Variants in RORA observed in about 807,000 individuals in gnomAD.
RORA encodes nuclear receptor ROR-alpha.
A neutral mutation model predicts 69.5 loss-of-function variants in RORA; 7 were observed. That is an observed-to-expected ratio of 0.10 (90% CI 0.06 to 0.19). The LOEUF (loss-of-function observed/expected upper bound fraction) is 0.19, where lower values mean the gene tolerates loss of function less well. RORA is among the 10% of genes least tolerant of loss of function. The probability of loss-of-function intolerance (pLI) is 1.00; values close to 1 mark genes in which losing one functional copy is unlikely to be tolerated. For missense variants in RORA, 457 were observed against 663.0 expected, an observed-to-expected ratio of 0.69 and a Z score of 3.41; for synonymous variants, 261 against 240.8, an observed-to-expected ratio of 1.08 and a Z score of -0.78.
chr15:60,804,212 C>A (rs1277919208), intron 1 of RORA, among the ~76,000 whole-genome samples: 8 of 148,274 alleles, frequency 5.4e-5, no homozygotes, highest in Non-Finnish European at 1.2e-4. Context: ...TGCTTGAACC[C>A]GGGAGGCGGA....
At chr15:61,029,889 A>C (rs979439019) in intron 1 of RORA, among the ~76,000 whole-genome samples, 2 of 152,142 alleles carry the variant, frequency 1.3e-5, no homozygotes, top group Non-Finnish European at 2.9e-5. Flanking sequence ...AGCTCACTGG[A>C]GAGGCCTGGG....
intron 1 of RORA, among the ~76,000 whole-genome samples, chr15:61,154,067 A>G (rs573510073): frequency 1.3e-5 from 2 of 152,232 alleles, no homozygotes; most frequent in East Asian, 1.9e-4. Flanking sequence ...AATCCTTTCT[A>G]TATTTCTCCT....
At chr15:60,949,849 T>C (rs550128870) in intron 1 of RORA, among the ~76,000 whole-genome samples, 1 of 152,316 alleles carries the variant, frequency 6.6e-6, no homozygotes, top group Admixed American at 6.5e-5. Flanking sequence ...CAACGCTGGT[T>C]TTGTAAAAGA....
intron 1 of RORA, among the ~76,000 whole-genome samples, chr15:60,914,409 C>T (rs2140482545): frequency 6.6e-6 from 1 of 152,298 alleles, no homozygotes. Flanking sequence ...CTCCTCCTTA[C>T]ATACAACCCC....
intron 2 of RORA, among the ~76,000 whole-genome samples, chr15:60,638,525 A>G (rs761922776): frequency 6.6e-6 from 1 of 151,724 alleles, no homozygotes; most frequent in Non-Finnish European, 1.5e-5. Flanking sequence ...CTATTTCTTC[A>G]CCTCTTACCT....
At position 60,531,978 on chromosome 15, in the gene RORA, A is replaced by G; in HGVS notation, c.197-127T>C. Reference sequence around the variant, plus strand: ...AAACATTATACTGCATTAACTATTCATTGCTGAACTGTGAGGGTCCCCCTA... The same window carrying G: ...AAACATTATACTGCATTAACTATTCGTTGCTGAACTGTGAGGGTCCCCCTA... On this transcript the variant is annotated intron_variant, in intron 2 of 10. Coordinates refer to ENST00000335670, the MANE Select transcript of RORA (RefSeq NM_134261.3). This position sits in a 1 kb window ranked among gnomAD's most constrained non-coding sequence, Gnocchi z 4.8. 3.5e-6 allele frequency: 2 copies of G among 566,786 alleles called. No homozygotes were observed. 35.1% of individuals were successfully genotyped at this position (566,786 alleles called of 1,614,324 possible).
At chr15:61,170,692 G>A (rs1218965776) in intron 1 of RORA, among the ~76,000 whole-genome samples, 1 of 152,198 alleles carries the variant, frequency 6.6e-6, no homozygotes, top group Non-Finnish European at 1.5e-5. Context: ...CACATTGTAA[G>A]TGCTCCAAAT....
At chr15:60,670,265 A>C (rs891060572) in intron 2 of RORA, among the ~76,000 whole-genome samples, 6 of 145,992 alleles carry the variant, frequency 4.1e-5, no homozygotes, top group Non-Finnish European at 7.4e-5. Flanking sequence ...GTTGGGGTGC[A>C]GTGCTGTGAT....
Position 60,531,807 on chromosome 15 carries a change from A to T in RORA, c.241T>A (p.Ser81Thr). 6.3e-7 allele frequency: 1 copy of T among 1,596,886 alleles called. No homozygotes were observed. The highest frequency in any genetic ancestry group is 8.5e-7 in the Non-Finnish European group (1 of 1,173,686). ...IPCKICGDKS[S>T]GIHYGVITCE... ...GTAATGACACCATAATGGATTCCTG[A>T]TGATTTGTCTCCACAGATCTTGCAT... Residue 81 changes from serine to threonine, a missense_variant, in exon 3 of 11, where the codon TCA becomes ACA. Physicochemically the swap from Ser to Thr is moderately conservative, Grantham distance 58. This residue lies in a region of RORA where 34 missense variants were observed against 123.2 expected (regional missense o/e 0.28). Coordinates refer to ENST00000335670, the MANE Select transcript of RORA (RefSeq NM_134261.3). This position sits in a 1 kb window ranked among gnomAD's most constrained non-coding sequence, Gnocchi z 4.8.
At chr15:60,980,270 G>C (rs1285041339) in intron 1 of RORA, among the ~76,000 whole-genome samples, 1 of 152,096 alleles carries the variant, frequency 6.6e-6, no homozygotes, top group Non-Finnish European at 1.5e-5. Context: ...TATGCTGTTG[G>C]ATTCTGTTTG....
intron 1 of RORA, among the ~76,000 whole-genome samples, chr15:60,702,866 T>C (rs1198800235): frequency 1.3e-5 from 2 of 152,228 alleles, no homozygotes; most frequent in Admixed American, 6.5e-5. Flanking sequence ...TTGTGTGGAA[T>C]GGGCCTTTTC....
chr15:61,178,868 C>A (rs867872741), intron 1 of RORA, among the ~76,000 whole-genome samples: 6 of 152,082 alleles, frequency 3.9e-5, no homozygotes, highest in African/African-American at 1.2e-4. Context: ...TAGACTATAC[C>A]CGCTTTTGAA....
At chr15:60,887,239 G>A (rs150102945) in intron 1 of RORA, among the ~76,000 whole-genome samples, 1 of 152,280 alleles carries the variant, frequency 6.6e-6, no homozygotes, top group East Asian at 1.9e-4. Context: ...TAACAGAGAT[G>A]TAAAGCATAT....
intron 1 of RORA, among the ~76,000 whole-genome samples, chr15:61,183,582 C>A (rs1376287165): frequency 1.3e-5 from 2 of 149,588 alleles, no homozygotes; most frequent in Admixed American, 6.6e-5. Context: ...GGACAGAGAA[C>A]AGAGCTGAAG....
intron 1 of RORA, among the ~76,000 whole-genome samples, chr15:61,093,643 T>C (rs1337434631): frequency 5.9e-5 from 9 of 152,244 alleles, no homozygotes; most frequent in Admixed American, 3.3e-4. Context: ...TGGACTTCTA[T>C]AGAATTGCTC....
intron 1 of RORA, among the ~76,000 whole-genome samples, chr15:61,109,923 T>C (rs1321018595): frequency 1.3e-5 from 2 of 152,158 alleles, no homozygotes; most frequent in African/African-American, 4.8e-5. Flanking sequence ...ATGTGTCCCA[T>C]AAAGACATTT....
intron 1 of RORA, among the ~76,000 whole-genome samples, chr15:60,923,180 C>T (rs971648268): frequency 3.9e-5 from 6 of 152,184 alleles, no homozygotes; most frequent in African/African-American, 1.4e-4. Context: ...AAGGCCGGAT[C>T]ACATGCCTAA....
At chr15:60,764,571 G>T (rs181440955) in intron 1 of RORA, among the ~76,000 whole-genome samples, 324 of 152,066 alleles carry the variant, frequency 2.1e-3, no homozygotes, top group African/African-American at 7.2e-3. Context: ...CAGCTGAAAA[G>T]GTCAACTAGA....
At chr15:60,570,487 A>G (rs1205831081) in intron 2 of RORA, among the ~76,000 whole-genome samples, 1 of 151,788 alleles carries the variant, frequency 6.6e-6, no homozygotes, top group Non-Finnish European at 1.5e-5. Context: ...GTGCCACCAT[A>G]CCCAGTTTAT....
Sources: allele counts gnomAD v4.1 joint callset (sites outside exome capture counted in the v4.1 genomes callset), GRCh38; gene constraint gnomAD v4.1.1; regional missense constraint gnomAD v4.1.1; non-coding constraint Gnocchi (gnomAD v3.1); transcripts MANE v1.5; gene names NCBI Gene and HGNC (gene_info 2026-07-23, HGNC 2026-07-21).